ABCA6: variants seen among roughly 807,000 people sequenced by gnomAD.
ABCA6 encodes the protein ATP-binding cassette sub-family A member 6.
A neutral mutation model predicts 191.2 loss-of-function variants in ABCA6; 164 were observed. That is an observed-to-expected ratio of 0.86 (90% CI 0.76 to 0.98). The LOEUF (loss-of-function observed/expected upper bound fraction) is 0.98, where lower values mean the gene tolerates loss of function less well. Ranked by LOEUF, ABCA6 falls within the 50% of genes least tolerant of loss-of-function variation. The pLI, the probability that ABCA6 is intolerant of heterozygous loss-of-function variation, is 0.00. For missense variants in ABCA6, 1,958 were observed against 1,894.1 expected (o/e 1.03, Z -0.63); for synonymous variants, 636 against 647.7 (o/e 0.98, Z 0.27).
At position 69,084,354 on chromosome 17, in the gene ABCA6, A is replaced by G. The variant is rs1344262043; in HGVS notation, c.4262T>C (p.Leu1421Ser). The change falls in exon 34 of 39, where the codon TTG becomes TCG. Residue 1421 changes from leucine (L) to serine (S), a missense_variant and splice_region_variant. Physicochemically the swap from Leu to Ser is moderately radical, Grantham distance 145 (BLOSUM62 -2). Coordinates refer to ENST00000284425, the MANE Select transcript of ABCA6 (RefSeq NM_080284.3). ...TCCCAGGAGGCTCAGCACAAAACAC[A>G]ACTGCAATGTAGAAAAACACCCCTG... ...QKLTAGITRK[L>S]CFVLSLLGNS... is the part of the protein sequence containing the mutation. 1 of 1,614,158 alleles carries G rather than the reference A, an allele frequency of 6.2e-7. No homozygotes were observed. Among genetic ancestry groups the G allele is most frequent in the South Asian group, 1.1e-5 (1 of 91,086 alleles).
intron 2 of ABCA6, among the ~76,000 whole-genome samples, chr17:69,140,111 T>A (rs1275224298): frequency 2.6e-5 from 4 of 151,230 alleles, no homozygotes; most frequent in Non-Finnish European, 5.9e-5. Context: ...AATAAAAAAA[T>A]AAAAAATAAA....
Position 69,079,216 on chromosome 17 carries a change from C to T in ABCA6, c.4746G>A (p.Leu1582=), listed in dbSNP as rs763356782. The stretch of plus-strand genomic sequence containing the variant: ...GTCAAACCACTTGACTTACCTTCTC[C>T]AGTGTGCACTGAGAAAGGCTGTATT... The part of the protein sequence containing the change: ...LEEYSLSQCT[L]EKVFLELSKE... Residue 1582 remains leucine (L), a synonymous_variant, in exon 38 of 39, where the codon CTG becomes CTA. Coordinates refer to ENST00000284425, the MANE Select transcript of ABCA6 (RefSeq NM_080284.3). 1.9e-5 allele frequency: 31 copies of T among 1,608,400 alleles called. No individual in the cohort carries two copies. The highest frequency in any genetic ancestry group is 1.6e-4 in the Middle Eastern group (1 of 6,068).
intron 15 of ABCA6, chr17:69,112,709 T>C (rs1363266563): frequency 1.2e-5 from 2 of 160,930 alleles, no homozygotes; most frequent in African/African-American, 4.8e-5. Context: ...GGGTACAATG[T>C]ATATTATTTG....
At position 69,105,820 on chromosome 17, in the gene ABCA6, C is replaced by G. The variant is rs997874996; in HGVS notation, c.2574-192G>C. 6 of 722,772 alleles carry G rather than the reference C, an allele frequency of 8.3e-6. No homozygotes were observed. The African/African-American group carries it at 8.9e-5, about 11-fold the overall frequency. The allele number at this position is 722,772 out of a possible 1,614,324, so 44.8% of individuals were successfully genotyped here. ...CATTACTATATAAACACCAGGTTAT[C>G]AAACCATGAAAACAAAACACACCTG... On this transcript the variant is annotated intron_variant, in intron 19 of 38. Coordinates refer to ENST00000284425, the MANE Select transcript of ABCA6 (RefSeq NM_080284.3).
At chr17:69,106,630 A>AT (rs968257953) in intron 18 of ABCA6, among the ~76,000 whole-genome samples, 35 of 138,558 alleles carry the variant, frequency 2.5e-4, no homozygotes, top group African/African-American at 8.5e-4. Context: ...ATTTGTTTTT[A>AT]TTTTTATAAC....
intron 28 of ABCA6, chr17:69,087,725 CCTTTCT>C: frequency 4.1e-6 from 2 of 491,020 alleles, no homozygotes; most frequent in South Asian, 5.0e-5. Context: ...AGGTACTGCT[CCTTTCT>C]CTTTAAAATT....
rs1211237579 is a variant in ABCA6 at position 69,111,166 on chromosome 17, T to C, written c.2133-226A>G. 4 of 370,254 alleles carry C rather than the reference T, an allele frequency of 1.1e-5. No homozygotes were observed. The East Asian group carries it at 1.8e-4, about 17-fold the overall frequency. The allele number at this position is 370,254 out of a possible 1,614,324, so 22.9% of individuals were successfully genotyped here. A position where few individuals can be genotyped will look rare whatever the true frequency, so the allele number is the denominator to read the frequency against. ...CAATTACAAAATATACAAACAAATATATAATGTAAATGGAACTATATAGAG... is the reference window on the plus strand; with the variant it reads ...CAATTACAAAATATACAAACAAATACATAATGTAAATGGAACTATATAGAG... On this transcript the variant is annotated intron_variant, in intron 16 of 38. Transcript: ENST00000284425.
At chr17:69,130,382 G>A (rs920643194) in intron 6 of ABCA6, among the ~76,000 whole-genome samples, 2 of 151,756 alleles carry the variant, frequency 1.3e-5, no homozygotes, top group Non-Finnish European at 2.9e-5. Context: ...ATTGTGCCTC[G>A]TTGGTACCTA....
At chr17:69,129,415 G>C (rs2073819461) in intron 7 of ABCA6, among the ~76,000 whole-genome samples, 195 bp downstream of exon 7, 1 of 151,990 alleles carries the variant, frequency 6.6e-6, no homozygotes, top group Non-Finnish European at 1.5e-5. Context: ...TATGCAAAAG[G>C]CAAGTCAAAT....
chr17:69,125,122 G>A, intron 8 of ABCA6, 87 bp from the exon 9 acceptor site: 1 of 684,912 alleles, frequency 1.5e-6, no homozygotes, highest in African/African-American at 1.9e-5. Context: ...TTATTAACTA[G>A]CTTTTTCAAG....
intron 8 of ABCA6, among the ~76,000 whole-genome samples, chr17:69,125,604 C>G (rs2073736319): frequency 6.6e-6 from 1 of 152,048 alleles, no homozygotes; most frequent in Non-Finnish European, 1.5e-5. Flanking sequence ...TATGATAAAA[C>G]TAAGGCACAG....
rs1012575838 is a variant in ABCA6, at chr17:69,114,906, A to G, written c.1638T>C (p.Ser546=). 7 of 1,611,706 alleles carry G rather than the reference A, an allele frequency of 4.3e-6. No homozygotes were observed. In the Admixed American group the frequency reaches 5.0e-5, roughly 12 times the overall value. The change falls in exon 13 of 39, where the codon TCT becomes TCC. Residue 546 remains serine, a synonymous_variant. Coordinates refer to ENST00000284425, the MANE Select transcript of ABCA6 (RefSeq NM_080284.3). The stretch of plus-strand genomic sequence containing the variant: ...TGATTTCCTCCAAGTCTTGCATTTC[A>G]GAGAGATTTTTATTATAGATGGTAA... ...GSVTIYNKNL[S]EMQDLEEIRK... is the part of the protein sequence containing the mutation.
At chr17:69,092,104 T>C (rs2072938058) in intron 25 of ABCA6, among the ~76,000 whole-genome samples, 1 of 152,228 alleles carries the variant, frequency 6.6e-6, no homozygotes, top group African/African-American at 2.4e-5. Context: ...TATTTTATTT[T>C]ACAATTTTTT....
chr17:69,137,463 G>GCAATA lies in ABCA6; in HGVS notation c.129_133dup (p.Ala45ValfsTer9), dbSNP rs1342016083. 6.2e-7 allele frequency: 1 copy of GCAATA among 1,613,482 alleles called. No individual in the cohort carries two copies. The highest frequency in any genetic ancestry group is 8.5e-7 in the Non-Finnish European group (1 of 1,179,734). On this transcript the variant is annotated frameshift_variant, in exon 3 of 39. Transcript: ENST00000284425. LOFTEE classifies it high-confidence loss of function. ...ATTTCTCATGGAACTGGAAAACAGA[G>GCAATA]CAATACACAGTCCTAGAAGTATTGA...
At chr17:69,136,052 C>A in intron 4 of ABCA6, 40 bp downstream of exon 4, 1 of 1,582,506 alleles carries the variant, frequency 6.3e-7, no homozygotes, top group Non-Finnish European at 8.6e-7. Flanking sequence ...ATGTTGAAAA[C>A]ATGAAAAATT....
Position 69,136,116 on chromosome 17 carries a change from G to A in ABCA6, c.436C>T (p.Pro146Ser), listed in dbSNP as rs140469761. The change falls in exon 4 of 39, where the codon CCA becomes TCA. Residue 146 changes from proline (P) to serine (S), a missense_variant. By Grantham distance (74) the Pro-to-Ser change is moderately conservative (BLOSUM62 -1). Coordinates refer to ENST00000284425, the MANE Select transcript of ABCA6 (RefSeq NM_080284.3). ...KLIFFQGYNS[P>S]LWKEDFSAHC... is the part of the protein sequence containing the mutation. ...CCTGAGAAATCTTCTTTCCAAAGTG[G>A]ACTGTTATATCCCTGGAAAAATATT... 5.3e-5 allele frequency: 86 copies of A among 1,610,300 alleles called. No individual in the cohort carries two copies. The African/African-American group carries it at 1.1e-3, about 20-fold the overall frequency.
chr17:69,120,076 A>G (rs1012476825), intron 10 of ABCA6, among the ~76,000 whole-genome samples: 5 of 152,102 alleles, frequency 3.3e-5, no homozygotes, highest in Admixed American at 2.0e-4. Flanking sequence ...TATCACATAT[A>G]TCTATATCAC....
At chr17:69,079,170 A>T in intron 38 of ABCA6, 40 bp downstream of exon 38, 1 of 1,596,562 alleles carries the variant, frequency 6.3e-7, no homozygotes, top group Non-Finnish European at 8.6e-7. Flanking sequence ...CTTTCATGTG[A>T]AATTTACCAG....
intron 37 of ABCA6, among the ~76,000 whole-genome samples, chr17:69,080,580 C>T (rs1481030167): frequency 6.6e-6 from 1 of 152,110 alleles, no homozygotes; most frequent in African/African-American, 2.4e-5. Flanking sequence ...GCCAAATACA[C>T]CTGCACAGAC....
Sources: gnomAD v4.1 joint callset for allele counts (sites outside exome capture counted in the v4.1 genomes callset) on GRCh38, gnomAD v4.1.1 for gene constraint, MANE v1.5 for transcripts, NCBI Gene and HGNC (gene_info 2026-07-23, HGNC 2026-07-21) for gene names.